The following MOB3B variants were observed in gnomAD, a reference collection of about 807,000 sequenced individuals.
MOB3B encodes MOB kinase activator 3B.
In MOB3B, 7 loss-of-function variants were observed where a neutral mutation model predicts 18.7. That is an observed-to-expected ratio of 0.37 (90% CI 0.21 to 0.70). MOB3B has a LOEUF of 0.70. Among genes scored for constraint, MOB3B ranks in the 30% least tolerant of loss-of-function variants. The pLI, the probability that MOB3B is intolerant of heterozygous loss-of-function variation, is 0.52. For synonymous variants in MOB3B, 111 were observed against 99.9 expected (o/e 1.11, Z -0.66); for missense variants, 253 against 281.3 (o/e 0.90, Z 0.72).
chr9:27,396,284 A>G (rs78922022), intron 2 of MOB3B, among the ~76,000 whole-genome samples: 5,690 of 152,056 alleles, frequency 0.037, 172 homozygotes, highest in Non-Finnish European at 0.058. Context: ...TATTTTTTAT[A>G]TTCAGCAGTC....
intron 1 of MOB3B, among the ~76,000 whole-genome samples, chr9:27,503,788 T>C (rs905032573): frequency 6.6e-6 from 1 of 152,214 alleles, no homozygotes; most frequent in African/African-American, 2.4e-5. Flanking sequence ...GCATGCTTAG[T>C]TAGAGAGAGC....
intron 2 of MOB3B, among the ~76,000 whole-genome samples, chr9:27,368,346 A>ACATG: frequency 8.0e-6 from 1 of 124,812 alleles, no homozygotes; most frequent in South Asian, 3.0e-4. Flanking sequence ...ATATACACAC[A>ACATG]CATACATACA....
At chr9:27,460,203 C>T (rs1348292547) in intron 1 of MOB3B, among the ~76,000 whole-genome samples, 1 of 152,164 alleles carries the variant, frequency 6.6e-6, no homozygotes, top group Non-Finnish European at 1.5e-5. Context: ...GTGACTCCTT[C>T]AGAGTATTAC....
chr9:27,410,066 G>A (rs1289147218), intron 2 of MOB3B, among the ~76,000 whole-genome samples: 3 of 152,088 alleles, frequency 2.0e-5, no homozygotes, highest in Admixed American at 1.3e-4. Flanking sequence ...ACTTAAAAAT[G>A]GTGAAAATGG....
At chr9:27,368,696 G>A (rs1821371993) in intron 2 of MOB3B, among the ~76,000 whole-genome samples, 1 of 152,136 alleles carries the variant, frequency 6.6e-6, no homozygotes. Flanking sequence ...CCTCCAGTCT[G>A]TTATCATGGT....
At position 27,327,215 on chromosome 9, in the gene MOB3B, T is replaced by G. The variant is rs1474689848; in HGVS notation, c.*3372A>C. 6.6e-6 allele frequency: 1 copy of G among 152,146 alleles called. No individual in the cohort carries two copies. Among genetic ancestry groups the G allele is most frequent in the Non-Finnish European group, 1.5e-5 (1 of 68,028 alleles). The allele number at this position is 152,146 out of a possible 1,614,324, so 9.4% of individuals were successfully genotyped here. On this transcript the variant is annotated 3_prime_UTR_variant, in exon 4 of 4. Transcript: ENST00000262244. ...GGATCCTGGGCCTCCTTGAGAACATTAAGGGATGAATGTACGTATGCACAG... is the reference window on the plus strand; with the variant it reads ...GGATCCTGGGCCTCCTTGAGAACATGAAGGGATGAATGTACGTATGCACAG...
chr9:27,405,386 G>A (rs1669801816), intron 2 of MOB3B, among the ~76,000 whole-genome samples: 1 of 152,094 alleles, frequency 6.6e-6, no homozygotes, highest in Non-Finnish European at 1.5e-5. Context: ...GATTACAGGT[G>A]TGAGCCACCA....
At chr9:27,471,884 G>A (rs1819477538) in intron 1 of MOB3B, among the ~76,000 whole-genome samples, 1 of 152,140 alleles carries the variant, frequency 6.6e-6, no homozygotes, top group African/African-American at 2.4e-5. Flanking sequence ...CAGGATTGTG[G>A]TGATCAACTA....
intron 1 of MOB3B, among the ~76,000 whole-genome samples, chr9:27,517,201 C>G (rs1486301208): frequency 6.6e-6 from 1 of 152,186 alleles, no homozygotes; most frequent in African/African-American, 2.4e-5. Context: ...CTGGGTATCA[C>G]TGCCTCCAGG....
intron 1 of MOB3B, among the ~76,000 whole-genome samples, chr9:27,473,022 C>G (rs113316696): frequency 3.3e-5 from 5 of 152,306 alleles, no homozygotes; most frequent in African/African-American, 1.2e-4. Flanking sequence ...TCACAGATAG[C>G]TATTCCAACT....
At chr9:27,341,354 A>C (rs1298105880) in intron 3 of MOB3B, among the ~76,000 whole-genome samples, 1 of 152,200 alleles carries the variant, frequency 6.6e-6, no homozygotes, top group Non-Finnish European at 1.5e-5. Flanking sequence ...ATTCCATAGA[A>C]GCCGTTCAGC....
At chr9:27,368,353 TACAC>T (rs138287792) in intron 2 of MOB3B, among the ~76,000 whole-genome samples, 2,344 of 145,970 alleles carry the variant, frequency 0.016, 52 homozygotes, top group African/African-American at 0.049. Context: ...CACACATACA[TACAC>T]ACACACACAC....
intron 1 of MOB3B, among the ~76,000 whole-genome samples, chr9:27,481,497 GTTTTTTTTTTTTTGTTTTTTTTGT>G (rs1225722306): frequency 1.0e-4 from 9 of 89,058 alleles, no homozygotes; most frequent in African/African-American, 2.5e-4. Flanking sequence ...AAGGAAGGTA[GTTTTTTTTTTTTTGTTTTTTTTGT>G]TTTTTTTTTT....
chr9:27,380,423 G>C (rs949389471), intron 2 of MOB3B, among the ~76,000 whole-genome samples: 1 of 151,944 alleles, frequency 6.6e-6, no homozygotes, highest in African/African-American at 2.4e-5. Flanking sequence ...ATTTTTAGTA[G>C]AGACAGGTTT....
intron 2 of MOB3B, among the ~76,000 whole-genome samples, chr9:27,414,080 A>T (rs1039714763): frequency 1.3e-5 from 2 of 152,232 alleles, no homozygotes; most frequent in African/African-American, 4.8e-5. Flanking sequence ...CTAGTTCAAT[A>T]AATCTGGATG....
intron 2 of MOB3B, among the ~76,000 whole-genome samples, chr9:27,446,576 A>C (rs1690468976): frequency 6.6e-6 from 1 of 152,192 alleles, no homozygotes; most frequent in African/African-American, 2.4e-5. Context: ...GCTTGAGATA[A>C]TTATGGACTT....
chr9:27,462,738 T>C (rs1024984289), intron 1 of MOB3B, among the ~76,000 whole-genome samples: 3 of 152,252 alleles, frequency 2.0e-5, no homozygotes, highest in African/African-American at 7.2e-5. Flanking sequence ...CAGACTTGTT[T>C]ACTCTTAGCC....
At chr9:27,460,199 C>A (rs1456422854) in intron 1 of MOB3B, among the ~76,000 whole-genome samples, 2 of 152,122 alleles carry the variant, frequency 1.3e-5, no homozygotes, top group Non-Finnish European at 2.9e-5. Flanking sequence ...TGATGTGACT[C>A]CTTCAGAGTA....
intron 2 of MOB3B, among the ~76,000 whole-genome samples, chr9:27,373,417 T>C (rs17768620): frequency 0.18 from 27,860 of 152,194 alleles, 2,680 homozygotes; most frequent in Middle Eastern, 0.24. Context: ...GCAGATGTGC[T>C]AGATACTAGG....
Sources: allele counts gnomAD v4.1 joint callset (sites outside exome capture counted in the v4.1 genomes callset), GRCh38; gene constraint gnomAD v4.1.1; transcripts MANE v1.5; gene names NCBI Gene and HGNC (gene_info 2026-07-23, HGNC 2026-07-21).